Variants in OSTN observed in about 807,000 individuals in gnomAD.
OSTN encodes the protein osteocrin.
Under a neutral mutation model 12.0 loss-of-function variants are expected in OSTN, and 9 were observed. The observed-to-expected ratio is 0.75, with a 90% confidence interval of 0.45 to 1.30. The LOEUF (loss-of-function observed/expected upper bound fraction) is 1.30, where lower values mean the gene tolerates loss of function less well. Among genes scored for constraint, OSTN ranks in the 50% most tolerant of loss-of-function variants. OSTN has a pLI of 0.00. For synonymous variants in OSTN, 59 were observed against 56.9 expected, an observed-to-expected ratio of 1.04 and a Z score of -0.16; for missense variants, 148 against 152.3, an observed-to-expected ratio of 0.97 and a Z score of 0.15.
chr3:191,211,658 G>T (rs1714420688), intron 1 of OSTN, among the ~76,000 whole-genome samples: 1 of 152,050 alleles, frequency 6.6e-6, no homozygotes, highest in South Asian at 2.1e-4. Flanking sequence ...AACATTGCAA[G>T]GTGGACCAAC....
At chr3:191,227,404 C>A (rs75161862) in intron 3 of OSTN, among the ~76,000 whole-genome samples, 2,271 of 152,170 alleles carry the variant, frequency 0.015, 51 homozygotes, top group African/African-American at 0.052. Flanking sequence ...AAAATGGAAC[C>A]CACATGGAGG....
intron 3 of OSTN, among the ~76,000 whole-genome samples, chr3:191,230,495 T>TGGAGGTTG (rs893890595): frequency 7.9e-6 from 1 of 126,652 alleles, no homozygotes; most frequent in Non-Finnish European, 1.6e-5. Context: ...ACGTGGGAGG[T>TGGAGGTTG]GGAGGTTGCA....
rs1054340439 is a variant in OSTN at position 191,211,882 on chromosome 3, CTTTT to C, written c.1-650_1-647del. Among the ~76,000 whole-genome samples, 3 of 151,924 alleles carry C rather than the reference CTTTT, an allele frequency of 2.0e-5. No individual in the cohort carries two copies. In the East Asian group the frequency reaches 5.8e-4, roughly 29 times the overall value. ...TTACATTTTCCAAATGCTGATCTTTCTTTTATGTATATATTGTACATATCATGTA... is the reference window on the plus strand; with the variant it reads ...TTACATTTTCCAAATGCTGATCTTTCATGTATATATTGTACATATCATGTA... On this transcript the variant is annotated intron_variant, in intron 1 of 4. Transcript: ENST00000682035.
At chr3:191,218,672 A>G in intron 2 of OSTN, 75 bp from the exon 3 acceptor site, 1 of 1,234,772 alleles carries the variant, frequency 8.1e-7, no homozygotes, top group Non-Finnish European at 1.2e-6. Flanking sequence ...TAACAGTAGC[A>G]AAAGCCAGAT....
intron 3 of OSTN, among the ~76,000 whole-genome samples, chr3:191,246,067 CAAAAAAAAAA>C (rs149962240): frequency 4.5e-4 from 27 of 60,360 alleles, no homozygotes; most frequent in Non-Finnish European, 1.8e-4. Flanking sequence ...AACTCTGTCT[CAAAAAAAAAA>C]AAAAAAAAAA....
intron 4 of OSTN, among the ~76,000 whole-genome samples, chr3:191,256,515 T>C (rs1345171460): frequency 6.6e-6 from 1 of 151,800 alleles, no homozygotes. Flanking sequence ...GCCAAAATAA[T>C]AATTCAGAGA....
At chr3:191,238,552 G>A (rs892688504) in intron 3 of OSTN, among the ~76,000 whole-genome samples, 5 of 152,226 alleles carry the variant, frequency 3.3e-5, no homozygotes, top group African/African-American at 9.6e-5. Flanking sequence ...GTGATACAGC[G>A]TTGTGGAATT....
At chr3:191,247,202 C>T (rs945930386) in intron 3 of OSTN, among the ~76,000 whole-genome samples, 25 of 152,048 alleles carry the variant, frequency 1.6e-4, no homozygotes, top group Admixed American at 1.2e-3. Context: ...ATAATTACAC[C>T]AAAGACATAG....
chr3:191,236,685 A>C (rs73055320), intron 3 of OSTN, among the ~76,000 whole-genome samples: 3,748 of 152,260 alleles, frequency 0.025, 159 homozygotes, highest in African/African-American at 0.086. Context: ...TCTTAAACTA[A>C]GAATACTTTT....
intron 3 of OSTN, among the ~76,000 whole-genome samples, chr3:191,231,009 C>G (rs963778925): frequency 1.3e-5 from 2 of 152,150 alleles, no homozygotes; most frequent in Non-Finnish European, 2.9e-5. Context: ...AATGCATACT[C>G]TTTAGTCTTC....
At chr3:191,237,345 C>T (rs1055359140) in intron 3 of OSTN, among the ~76,000 whole-genome samples, 1 of 152,148 alleles carries the variant, frequency 6.6e-6, no homozygotes, top group African/African-American at 2.4e-5. Context: ...TCTATCCTAA[C>T]GGGACTGCAG....
chr3:191,261,327 A>C (rs1197286183), intron 4 of OSTN, among the ~76,000 whole-genome samples: 2 of 152,228 alleles, frequency 1.3e-5, no homozygotes, highest in Non-Finnish European at 2.9e-5. Flanking sequence ...TGTTCAAAAA[A>C]TTGTATATTA....
intron 4 of OSTN, among the ~76,000 whole-genome samples, chr3:191,262,294 G>A (rs893311228): frequency 1.3e-5 from 2 of 152,162 alleles, no homozygotes; most frequent in Non-Finnish European, 2.9e-5. Flanking sequence ...TTCCACTAAT[G>A]TGAGACACAT....
At chr3:191,254,736 T>G (rs1165052115) in intron 4 of OSTN, among the ~76,000 whole-genome samples, 1 of 152,214 alleles carries the variant, frequency 6.6e-6, no homozygotes, top group African/African-American at 2.4e-5. Flanking sequence ...TTTAGTCATA[T>G]TATATATTCT....
chr3:191,221,200 T>A (rs1292773830), intron 3 of OSTN, among the ~76,000 whole-genome samples: 1 of 152,230 alleles, frequency 6.6e-6, no homozygotes, highest in African/African-American at 2.4e-5. Context: ...TCCCCAGCCC[T>A]GTGGAACTGT....
At chr3:191,248,440 C>G (rs895843646) in intron 3 of OSTN, among the ~76,000 whole-genome samples, 1 of 151,860 alleles carries the variant, frequency 6.6e-6, no homozygotes, top group East Asian at 1.9e-4. Context: ...TCATGTTTAG[C>G]GTTTAAATTA....
chr3:191,210,399 CA>C (rs895306772), intron 1 of OSTN, among the ~76,000 whole-genome samples: 46 of 151,764 alleles, frequency 3.0e-4, no homozygotes, highest in African/African-American at 9.4e-4. Flanking sequence ...AAGAAAATGT[CA>C]AAAAAAATCC....
At chr3:191,219,684 A>G (rs1714714529) in intron 3 of OSTN, among the ~76,000 whole-genome samples, 2 of 152,156 alleles carry the variant, frequency 1.3e-5, no homozygotes, top group South Asian at 2.1e-4. Context: ...TGTACATTTC[A>G]TATTAGAAGT....
At chr3:191,238,744 T>C (rs890839415) in intron 3 of OSTN, among the ~76,000 whole-genome samples, 1 of 152,210 alleles carries the variant, frequency 6.6e-6, no homozygotes, top group Non-Finnish European at 1.5e-5. Flanking sequence ...TCTTGGGCCA[T>C]TGTTGCCAGT....
Sources: gnomAD v4.1 joint callset for allele counts (sites outside exome capture counted in the v4.1 genomes callset) on GRCh38, gnomAD v4.1.1 for gene constraint, MANE v1.5 for transcripts, NCBI Gene and HGNC (gene_info 2026-07-23, HGNC 2026-07-21) for gene names.